Variants in NPHP4 observed in about 807,000 individuals in gnomAD.
The protein encoded by NPHP4 is nephrocystin-4.
Under a neutral mutation model 155.8 loss-of-function variants are expected in NPHP4, and 151 were observed. The observed-to-expected ratio is 0.97, with a 90% CI of 0.85 to 1.11. NPHP4 has a LOEUF of 1.11. Among genes scored for constraint, NPHP4 ranks in the 50% least tolerant of loss-of-function variants. NPHP4 has a pLI of 0.00. For synonymous variants in NPHP4, 845 were observed against 816.8 expected, an observed-to-expected ratio of 1.03 and a Z score of -0.59; for missense variants, 1,956 against 1,925.7, an observed-to-expected ratio of 1.02 and a Z score of -0.29.
At chr1:5,980,774 G>A (rs1259953568) in intron 2 of NPHP4, among the ~76,000 whole-genome samples, 1 of 152,032 alleles carries the variant, frequency 6.6e-6, no homozygotes, top group South Asian at 2.1e-4. Context: ...CGTGGAGGGA[G>A]GTGGTGTTAT....
chr1:5,866,347 C>A (rs763675724), intron 26 of NPHP4, 26 bp downstream of exon 26: 6 of 1,504,134 alleles, frequency 4.0e-6, no homozygotes, highest in Non-Finnish European at 5.5e-6. Flanking sequence ...CCACCGCCTC[C>A]AGGTCCCCAA....
chr1:5,900,536 G>A (rs1443685994), intron 16 of NPHP4, among the ~76,000 whole-genome samples: 5 of 152,152 alleles, frequency 3.3e-5, no homozygotes, highest in Middle Eastern at 3.2e-3. Flanking sequence ...GAACAGTAGT[G>A]CCAGGGGAGG....
At chr1:5,941,457 T>C (rs1245680554) in intron 9 of NPHP4, among the ~76,000 whole-genome samples, 2 of 152,126 alleles carry the variant, frequency 1.3e-5, no homozygotes, top group Non-Finnish European at 2.9e-5. Context: ...AAAGATGTTT[T>C]AATGTTTACA....
chr1:5,945,148 C>T (rs1647025131), intron 9 of NPHP4, among the ~76,000 whole-genome samples: 1 of 152,182 alleles, frequency 6.6e-6, no homozygotes, highest in Non-Finnish European at 1.5e-5. Flanking sequence ...AAGTAAATTA[C>T]AATTAATATT....
chr1:5,985,311 C>G (rs374145207), intron 2 of NPHP4, among the ~76,000 whole-genome samples: 8 of 152,358 alleles, frequency 5.3e-5, no homozygotes, highest in Admixed American at 3.9e-4. Flanking sequence ...CTGGGCCTCA[C>G]GAGGACAATC....
intron 28 of NPHP4, 36 bp downstream of exon 28, chr1:5,864,302 C>T (rs1640959889): frequency 6.4e-7 from 1 of 1,553,216 alleles, no homozygotes; most frequent in Admixed American, 1.9e-5. Context: ...TATTGAGCCC[C>T]CATCCCCTCA....
chr1:5,950,830 G>A (rs1365526799), intron 7 of NPHP4, among the ~76,000 whole-genome samples: 4 of 152,122 alleles, frequency 2.6e-5, no homozygotes, highest in African/African-American at 9.7e-5. Flanking sequence ...GGATACACAT[G>A]GAAGAATGCT....
Position 5,877,316 on chromosome 1 carries a change from C to T in NPHP4, c.2612-18G>A, listed in dbSNP as rs773258494. 1.2e-5 allele frequency: 19 copies of T among 1,568,678 alleles called. No individual in the cohort carries two copies. Among genetic ancestry groups the T allele is most frequent in the East Asian group, 1.2e-4 (5 of 43,416 alleles). ...GTGTTTTCCTGCGAAAGGGTCAGAG[C>T]GCGAGTCAGGTAGACGTGCAGTGTC... is the stretch of plus-strand genomic sequence containing the variant. On this transcript the variant is annotated intron_variant, in intron 19 of 29. Coordinates refer to ENST00000378156, the MANE Select transcript of NPHP4 (RefSeq NM_015102.5).
At chr1:5,904,456 G>A (rs1051568467) in intron 16 of NPHP4, among the ~76,000 whole-genome samples, 161 bp downstream of exon 16, 29 of 152,340 alleles carry the variant, frequency 1.9e-4, no homozygotes, top group Middle Eastern at 3.4e-3. Context: ...AGGCAGCTGA[G>A]AGCTGCTGGG....
At chr1:5,917,237 A>C (rs1645521570) in intron 11 of NPHP4, among the ~76,000 whole-genome samples, 1 of 152,034 alleles carries the variant, frequency 6.6e-6, no homozygotes, top group African/African-American at 2.4e-5. Context: ...CCCCATCCCC[A>C]TCAGGTGTTA....
At chr1:5,959,659 G>A (rs931720378) in intron 6 of NPHP4, among the ~76,000 whole-genome samples, 1 of 152,144 alleles carries the variant, frequency 6.6e-6, no homozygotes, top group Middle Eastern at 3.2e-3. Flanking sequence ...CTTGAAAGCA[G>A]CACACAGCTA....
intron 18 of NPHP4, 130 bp from the exon 19 acceptor site, chr1:5,880,369 C>A (rs377018453): frequency 2.3e-6 from 2 of 879,018 alleles, no homozygotes; most frequent in Non-Finnish European, 3.5e-6. Context: ...AAGGCCCCAC[C>A]GCCTCTGTTT....
intron 2 of NPHP4, among the ~76,000 whole-genome samples, chr1:5,978,628 C>A (rs535416963): frequency 1.3e-5 from 2 of 152,122 alleles, no homozygotes; most frequent in Non-Finnish European, 1.5e-5. Flanking sequence ...AGACTGCAGT[C>A]CCTTGGAACA....
At chr1:5,872,662 C>T (rs1642125337) in intron 23 of NPHP4, among the ~76,000 whole-genome samples, 1 of 152,194 alleles carries the variant, frequency 6.6e-6, no homozygotes. Context: ...ATTCTGTCCT[C>T]CAGGCAATGT....
intron 16 of NPHP4, among the ~76,000 whole-genome samples, chr1:5,896,795 C>T (rs547797737): frequency 1.6e-4 from 24 of 152,238 alleles, no homozygotes; most frequent in East Asian, 1.2e-3. Context: ...CCCTGGCTGG[C>T]GGCAGGGAGA....
rs1388096161 is a variant in NPHP4, at chr1:5,865,143, T to C, written c.3775A>G (p.Arg1259Gly). 5 of 1,613,698 alleles carry C rather than the reference T, an allele frequency of 3.1e-6. No homozygotes were observed. Among genetic ancestry groups the C allele is most frequent in the South Asian group, 1.1e-5 (1 of 91,076 alleles). Residue 1259 changes from arginine to glycine, a missense_variant, in exon 27 of 30, where the codon AGG becomes GGG. Transcript: ENST00000378156. ...TGAGAGGTGAAAGCTCTCACTTTCC[T>C]CACTGTCTGTGTCCCCCGAAGGACA... Reference protein sequence around the residue: ...SLVLRGTQTVRKVRAFTSHPQ... With the variant: ...SLVLRGTQTVGKVRAFTSHPQ...
chr1:5,891,362 T>C (rs1047968576), intron 16 of NPHP4, among the ~76,000 whole-genome samples: 1 of 152,290 alleles, frequency 6.6e-6, no homozygotes. Context: ...GCGTGTAGAA[T>C]TTAAGAAAAA....
intron 11 of NPHP4, among the ~76,000 whole-genome samples, chr1:5,922,421 A>G (rs1001104530): frequency 3.3e-5 from 5 of 152,214 alleles, no homozygotes; most frequent in African/African-American, 1.2e-4. Flanking sequence ...TTATCTATTT[A>G]TCTCTCTCTG....
In NPHP4 at chr1:5,905,892, G is replaced by T; in HGVS notation, c.1612-109C>A. The T allele has an allele frequency of 1.0e-6, 1 of 980,966 alleles. No homozygotes were observed. The highest frequency in any genetic ancestry group is 1.5e-6 in the Non-Finnish European group (1 of 667,510). The allele number at this position is 980,966 out of a possible 1,614,324, so 60.8% of individuals were successfully genotyped here. ...ATCGATTAATTGCCTCTGGAGGGTT[G>T]CCAGCTCTAGCAAATACAAAAGGTT... On this transcript the variant is annotated intron_variant, in intron 13 of 29. Coordinates refer to ENST00000378156, the MANE Select transcript of NPHP4 (RefSeq NM_015102.5). This position sits in a 1 kb window ranked among gnomAD's most constrained non-coding sequence, Gnocchi z 4.0.
Sources: allele counts gnomAD v4.1 joint callset (sites outside exome capture counted in the v4.1 genomes callset), GRCh38; gene constraint gnomAD v4.1.1; non-coding constraint Gnocchi (gnomAD v3.1); transcripts MANE v1.5; gene names NCBI Gene and HGNC (gene_info 2026-07-23, HGNC 2026-07-21).